The following NECAB1 variants were observed in gnomAD, a reference collection of about 807,000 sequenced individuals.
The protein encoded by NECAB1 is N-terminal EF-hand calcium binding protein 1, also known as N-terminal EF-hand calcium-binding protein 1.
Under a neutral mutation model 57.5 loss-of-function variants are expected in NECAB1, and 29 were observed. That is an observed-to-expected ratio of 0.50 (90% CI 0.38 to 0.69). The LOEUF (loss-of-function observed/expected upper bound fraction) is 0.69. Ranked by LOEUF, NECAB1 falls within the 30% of genes least tolerant of loss-of-function variation. NECAB1 has a pLI of 0.00. For synonymous variants in NECAB1, 142 were observed against 147.7 expected, an observed-to-expected ratio of 0.96 and a Z score of 0.28; for missense variants, 372 against 413.8, an observed-to-expected ratio of 0.90 and a Z score of 0.88.
intron 4 of NECAB1, among the ~76,000 whole-genome samples, chr8:90,879,170 A>G (rs1283984485): frequency 6.9e-6 from 1 of 145,146 alleles, no homozygotes; most frequent in Non-Finnish European, 1.5e-5. Context: ...CTTTTTTAGC[A>G]ACAATTTTTT....
At chr8:90,928,200 C>T in intron 7 of NECAB1, 23 bp from the exon 8 acceptor site, 2 of 1,566,496 alleles carry the variant, frequency 1.3e-6, no homozygotes, top group African/African-American at 1.4e-5. Context: ...ACATATTGCC[C>T]TCATGATTCC....
intron 5 of NECAB1, among the ~76,000 whole-genome samples, chr8:90,915,594 A>G (rs1809930426): frequency 6.6e-6 from 1 of 152,206 alleles, no homozygotes. Flanking sequence ...CTAGAGGGAC[A>G]GAAATAATAG....
chr8:90,883,346 G>A (rs915392278), intron 5 of NECAB1, among the ~76,000 whole-genome samples: 5 of 152,146 alleles, frequency 3.3e-5, no homozygotes, highest in Admixed American at 2.6e-4. Context: ...GAGTTTTGAC[G>A]TTTCTCAAGC....
At chr8:90,844,946 G>A (rs1281399981) in intron 3 of NECAB1, among the ~76,000 whole-genome samples, 5 of 152,178 alleles carry the variant, frequency 3.3e-5, no homozygotes, top group Admixed American at 6.5e-5. Flanking sequence ...TGGTTTACAC[G>A]ATTATGAAGT....
chr8:90,871,316 A>G (rs553579954), intron 3 of NECAB1, among the ~76,000 whole-genome samples: 199 of 152,298 alleles, frequency 1.3e-3, no homozygotes, highest in African/African-American at 4.4e-3. Context: ...ATTTGCTAAT[A>G]TGATCATTTT....
At chr8:90,830,413 G>A (rs1812283831) in intron 3 of NECAB1, among the ~76,000 whole-genome samples, 1 of 152,082 alleles carries the variant, frequency 6.6e-6, no homozygotes, top group Admixed American at 6.6e-5. Context: ...AAAAGAGAGA[G>A]AGATGGTGTG....
At chr8:90,949,174 G>C (rs1482608048) in intron 10 of NECAB1, among the ~76,000 whole-genome samples, 1 of 150,542 alleles carries the variant, frequency 6.6e-6, no homozygotes, top group Non-Finnish European at 1.5e-5. Flanking sequence ...GTGTGTGTGT[G>C]TGTGTGTGTG....
At chr8:90,842,376 G>T (rs1302114332) in intron 3 of NECAB1, among the ~76,000 whole-genome samples, 8 of 151,492 alleles carry the variant, frequency 5.3e-5, no homozygotes, top group African/African-American at 1.4e-4. Context: ...CCTTTTTTTT[G>T]AAATTTTCCA....
chr8:90,879,782 A>T (rs940296122), intron 4 of NECAB1, among the ~76,000 whole-genome samples: 2 of 152,224 alleles, frequency 1.3e-5, no homozygotes, highest in African/African-American at 4.8e-5. Context: ...TGTTATTTTG[A>T]AGCAGGTATT....
chr8:90,923,369 A>T (rs1387747579), intron 6 of NECAB1, among the ~76,000 whole-genome samples: 1 of 134,332 alleles, frequency 7.4e-6, no homozygotes, highest in Non-Finnish European at 1.5e-5. Context: ...TTACTCCCAG[A>T]GTACTAACAA....
At chr8:90,926,096 T>C (rs1277518862) in intron 7 of NECAB1, among the ~76,000 whole-genome samples, 2 of 152,212 alleles carry the variant, frequency 1.3e-5, no homozygotes, top group Non-Finnish European at 2.9e-5. Context: ...AAGTTTGTAA[T>C]GTGATATAAG....
At position 90,793,856 on chromosome 8, in the gene NECAB1, G is replaced by C. The variant is rs147107443; in HGVS notation, c.99+1871G>C. Among the ~76,000 whole-genome samples the C allele has an allele frequency of 5.9e-3, 898 of 152,264 alleles. 5 individuals carry two copies. Among genetic ancestry groups the C allele is most frequent in the African/African-American group, 0.02 (832 of 41,534 alleles). The stretch of plus-strand genomic sequence containing the variant: ...AGTCATCCTCCTGACTCATACACCA[G>C]CCATTGCTTAAGTGTTCAACTGCAA... On this transcript the variant is annotated intron_variant, in intron 1 of 12. Transcript: ENST00000417640.
At chr8:90,924,599 T>C (rs28396385) in intron 6 of NECAB1, among the ~76,000 whole-genome samples, 206 of 152,338 alleles carry the variant, frequency 1.4e-3, no homozygotes, top group African/African-American at 4.8e-3. Flanking sequence ...AGACACTCTT[T>C]CTTTTTCACA....
chr8:90,888,406 C>T (rs142665164), intron 5 of NECAB1, among the ~76,000 whole-genome samples: 1 of 152,226 alleles, frequency 6.6e-6, no homozygotes, highest in East Asian at 1.9e-4. Flanking sequence ...TTAATGCAGA[C>T]ATTCATGGGG....
At chr8:90,944,484 T>C (rs1295833737) in intron 10 of NECAB1, among the ~76,000 whole-genome samples, 1 of 152,232 alleles carries the variant, frequency 6.6e-6, no homozygotes. Context: ...ATACACACAC[T>C]ATTCTTCACT....
intron 10 of NECAB1, among the ~76,000 whole-genome samples, chr8:90,947,492 C>T (rs1375506501): frequency 6.6e-6 from 1 of 151,032 alleles, no homozygotes; most frequent in African/African-American, 2.4e-5. Flanking sequence ...CCTTCACCTC[C>T]TGGGTTCAAG....
intron 5 of NECAB1, among the ~76,000 whole-genome samples, chr8:90,903,088 C>G (rs144807803): frequency 6.6e-6 from 1 of 151,812 alleles, no homozygotes; most frequent in East Asian, 1.9e-4. Context: ...GTGCAAATAA[C>G]TGATTTAAAA....
At chr8:90,903,473 C>T (rs1402452735) in intron 5 of NECAB1, among the ~76,000 whole-genome samples, 1 of 152,126 alleles carries the variant, frequency 6.6e-6, no homozygotes, top group Admixed American at 6.6e-5. Context: ...AAGGTAGTTA[C>T]TAAAAACAGT....
chr8:90,954,094 A>G (rs1446305160), intron 12 of NECAB1, among the ~76,000 whole-genome samples: 1 of 150,892 alleles, frequency 6.6e-6, no homozygotes, highest in African/African-American at 2.4e-5. Context: ...AAATAAATAA[A>G]TAAATAAATA....
Sources: allele counts gnomAD v4.1 joint callset (sites outside exome capture counted in the v4.1 genomes callset), GRCh38; gene constraint gnomAD v4.1.1; transcripts MANE v1.5; gene names NCBI Gene and HGNC (gene_info 2026-07-23, HGNC 2026-07-21).